The following DPP6 variants were observed in gnomAD, a reference collection of about 807,000 sequenced individuals.
DPP6 encodes the protein A-type potassium channel modulatory protein DPP6.
DPP6 carries 69 observed loss-of-function variants against 122.6 expected under a neutral mutation model. The observed-to-expected ratio is 0.56, with a 90% CI of 0.46 to 0.69. DPP6 has a LOEUF of 0.69. DPP6 is among the 30% of genes least tolerant of loss of function. DPP6 has a pLI of 0.00. For missense variants in DPP6, 928 were observed against 1,116.9 expected (o/e 0.83, Z 2.41); for synonymous variants, 418 against 433.1 (o/e 0.97, Z 0.43).
chr7:154,276,913 C>A (rs1227051708), intron 1 of DPP6, among the ~76,000 whole-genome samples: 4 of 152,184 alleles, frequency 2.6e-5, no homozygotes, highest in African/African-American at 9.7e-5. Flanking sequence ...CTGCATGAAG[C>A]TTTTCCAACA....
chr7:154,155,596 G>C (rs768176627), intron 1 of DPP6, among the ~76,000 whole-genome samples: 1 of 152,192 alleles, frequency 6.6e-6, no homozygotes, highest in Non-Finnish European at 1.5e-5. Flanking sequence ...TGGTCTGATG[G>C]TCTAGTAGCC....
At chr7:153,964,694 C>T (rs983646992) in intron 1 of DPP6, among the ~76,000 whole-genome samples, 5 of 152,208 alleles carry the variant, frequency 3.3e-5, no homozygotes, top group Admixed American at 6.5e-5. Flanking sequence ...GACAGGGTTT[C>T]GTGTCTGTGA....
chr7:153,784,552 A>G, the DPP6 span, among the ~76,000 whole-genome samples: 2 of 152,338 alleles, frequency 1.3e-5, no homozygotes, highest in Admixed American at 6.5e-5. Flanking sequence ...GTGTGATCAA[A>G]TGGCTTAATT....
chr7:154,675,226 A>G (rs878986722), intron 7 of DPP6, among the ~76,000 whole-genome samples: 1 of 152,038 alleles, frequency 6.6e-6, no homozygotes, highest in Non-Finnish European at 1.5e-5. Context: ...GGGCTAGGGG[A>G]GGGATAGCAT....
chr7:154,856,555 T>G (rs974382867), intron 17 of DPP6, among the ~76,000 whole-genome samples: 5 of 152,230 alleles, frequency 3.3e-5, no homozygotes, highest in African/African-American at 1.2e-4. Context: ...ACCAAATGTC[T>G]TCCAGCAAGT....
In DPP6 at chr7:154,613,226, G is replaced by A. The variant is rs145583148; in HGVS notation, c.628-24595G>A. Reference sequence around the variant, plus strand: ...CAGACATTCTGTTCATAACAGGTATGTAATGACATTTACTTTCTAAATGGT... The same window carrying A: ...CAGACATTCTGTTCATAACAGGTATATAATGACATTTACTTTCTAAATGGT... On this transcript the variant is annotated intron_variant, in intron 5 of 25. Coordinates refer to ENST00000377770, the MANE Select transcript of DPP6 (RefSeq NM_130797.4). Among the ~76,000 whole-genome samples the A allele has an allele frequency of 1.6e-4, 25 of 152,308 alleles. No individual in the cohort carries two copies. The East Asian group carries it at 4.8e-3, about 29-fold the overall frequency.
In DPP6 at chr7:154,282,989, T is replaced by C. The variant is rs965889511; in HGVS notation, c.244-163225T>C. Among the ~76,000 whole-genome samples the C allele has an allele frequency of 6.6e-6, 1 of 152,174 alleles. No homozygotes were observed. Among genetic ancestry groups the C allele is most frequent in the South Asian group, 2.1e-4 (1 of 4,826 alleles). ...CATCAGAACACGTCTCTCTCTGGAC[T>C]CAGGGACAATACCCATACATATCTG... On this transcript the variant is annotated intron_variant, in intron 1 of 25. Coordinates refer to ENST00000377770, the MANE Select transcript of DPP6 (RefSeq NM_130797.4). This position sits in a 1 kb window ranked among gnomAD's most constrained non-coding sequence, Gnocchi z 4.8.
intron 4 of DPP6, among the ~76,000 whole-genome samples, chr7:154,566,489 C>T (rs1188356006): frequency 6.6e-6 from 1 of 152,018 alleles, no homozygotes; most frequent in Non-Finnish European, 1.5e-5. Context: ...TGGGGTTTCA[C>T]CATGTTGGCC....
At chr7:154,030,794 TCA>T (rs1208834708) in intron 1 of DPP6, among the ~76,000 whole-genome samples, 2 of 152,080 alleles carry the variant, frequency 1.3e-5, no homozygotes, top group African/African-American at 2.4e-5. Context: ...TGGTGACCAC[TCA>T]CACAGCCTGA....
chr7:154,266,367 C>G (rs1282350178), intron 1 of DPP6, among the ~76,000 whole-genome samples: 4 of 152,116 alleles, frequency 2.6e-5, no homozygotes, highest in Non-Finnish European at 4.4e-5. Flanking sequence ...GGACACCTGA[C>G]CTCAGGTGAT....
At chr7:154,630,603 C>T (rs1835347506) in intron 5 of DPP6, among the ~76,000 whole-genome samples, 2 of 152,072 alleles carry the variant, frequency 1.3e-5, no homozygotes, top group Non-Finnish European at 2.9e-5. Context: ...GTCTATGCAG[C>T]CATAAAACAA....
intron 1 of DPP6, among the ~76,000 whole-genome samples, chr7:154,231,639 A>C (rs1252651358): frequency 6.6e-6 from 1 of 152,148 alleles, no homozygotes; most frequent in Non-Finnish European, 1.5e-5. Context: ...CAAAATGCAA[A>C]TCAGACAGGC....
chr7:154,653,339 C>G (rs1837003736), intron 6 of DPP6, among the ~76,000 whole-genome samples: 1 of 152,040 alleles, frequency 6.6e-6, no homozygotes, highest in African/African-American at 2.4e-5. Context: ...CAGCATGAGA[C>G]CTTGTCTCTA....
At chr7:153,874,449 T>C in the DPP6 span, among the ~76,000 whole-genome samples, 17 of 152,278 alleles carry the variant, frequency 1.1e-4, 1 homozygote, top group Admixed American at 9.8e-4. Context: ...GATCTCAGCT[T>C]GCTGCAACCT....
At chr7:153,975,695 C>T (rs1306647744) in intron 1 of DPP6, among the ~76,000 whole-genome samples, 7 of 151,790 alleles carry the variant, frequency 4.6e-5, no homozygotes, top group Non-Finnish European at 1.0e-4. Context: ...AAAACATGAA[C>T]TGGAAGTCAA....
In DPP6 at chr7:154,647,151, G is replaced by A. The variant is rs146771277; in HGVS notation, c.680+9278G>A. 9.8e-3 allele frequency among the ~76,000 whole-genome samples: 1,498 copies of A among 152,270 alleles called. 18 individuals are homozygous for A. The highest frequency in any genetic ancestry group is 0.012 in the Non-Finnish European group (850 of 68,030). On this transcript the variant is annotated intron_variant, in intron 6 of 25. Transcript: ENST00000377770. Reference sequence around the variant, plus strand: ...TTAAGGAACTAAGCCATGCTGAGGAGCAAGAATGTGTGTGCTGGGGCCCCA... The same window carrying A: ...TTAAGGAACTAAGCCATGCTGAGGAACAAGAATGTGTGTGCTGGGGCCCCA...
chr7:154,545,570 A>G (rs1447534817), intron 4 of DPP6, among the ~76,000 whole-genome samples: 2 of 151,362 alleles, frequency 1.3e-5, no homozygotes, highest in African/African-American at 4.9e-5. Context: ...TTGCTGAACT[A>G]AATAGATTTC....
At chr7:154,104,600 G>C (rs1806008345) in intron 1 of DPP6, among the ~76,000 whole-genome samples, 1 of 152,238 alleles carries the variant, frequency 6.6e-6, no homozygotes, top group Admixed American at 6.5e-5. Context: ...ATTTTCTCAG[G>C]GACCCTTCGG....
intron 1 of DPP6, among the ~76,000 whole-genome samples, chr7:154,284,392 C>A (rs1447815728): frequency 1.3e-5 from 2 of 152,146 alleles, no homozygotes. Flanking sequence ...ACTTATATGC[C>A]TATGTTCTTT....
Sources: allele counts gnomAD v4.1 joint callset (sites outside exome capture counted in the v4.1 genomes callset), GRCh38; gene constraint gnomAD v4.1.1; non-coding constraint Gnocchi (gnomAD v3.1); transcripts MANE v1.5; gene names NCBI Gene and HGNC (gene_info 2026-07-23, HGNC 2026-07-21).